FSTL5: variants seen among roughly 807,000 people sequenced by gnomAD.
FSTL5 encodes follistatin like 5, also known as follistatin-related protein 5.
In FSTL5, 62 loss-of-function variants were observed where a neutral mutation model predicts 89.1. The observed-to-expected ratio is 0.70, with a 90% CI of 0.57 to 0.86. The LOEUF (loss-of-function observed/expected upper bound fraction) is 0.86. FSTL5 is among the 40% of genes least tolerant of loss of function. The pLI is 0.00. For missense variants in FSTL5, 1,057 were observed against 1,001.6 expected (o/e 1.06, Z -0.75); for synonymous variants, 383 against 346.2 (o/e 1.11, Z -1.18).
intron 6 of FSTL5, among the ~76,000 whole-genome samples, chr4:161,712,135 T>C (rs1420620937): frequency 1.3e-5 from 2 of 152,164 alleles, no homozygotes; most frequent in Non-Finnish European, 2.9e-5. Flanking sequence ...GGGGAGTGAC[T>C]GTCAATGCAT....
rs1741338706 is a variant in FSTL5 at position 161,774,684 on chromosome 4, A to AAACTCTC, written c.606+1187_606+1193dup. On this transcript the variant is annotated intron_variant, in intron 5 of 15. Transcript: ENST00000306100. ...ATTAAAAGCATAAAAAGTGAAAAAA[A>AAACTCTC]AACTCTCAAAATAACAATATATATG... Among the ~76,000 whole-genome samples, 3 of 152,312 alleles carry AAACTCTC rather than the reference A, an allele frequency of 2.0e-5. No homozygotes were observed. In the East Asian group the frequency reaches 5.8e-4, roughly 29 times the overall value.
At chr4:161,986,315 C>T (rs1027124860) in intron 3 of FSTL5, among the ~76,000 whole-genome samples, 4 of 152,064 alleles carry the variant, frequency 2.6e-5, no homozygotes, top group Non-Finnish European at 2.9e-5. Context: ...TTTGGGAGGC[C>T]GAGGCAGGTG....
intron 4 of FSTL5, among the ~76,000 whole-genome samples, chr4:161,787,467 A>T (rs1270247528): frequency 2.0e-5 from 3 of 152,122 alleles, no homozygotes; most frequent in Admixed American, 6.5e-5. Flanking sequence ...TATTCCACAG[A>T]CTACTTAAAA....
At position 162,099,372 on chromosome 4, in the gene FSTL5, G is replaced by A. The variant is rs181315638; in HGVS notation, c.126+11899C>T. ...CATTAATTTAAATGAATTATTCATA[G>A]TTTGTATTGTTAAAAAAGAATACAA... On this transcript the variant is annotated intron_variant, in intron 2 of 15. Coordinates refer to ENST00000306100, the MANE Select transcript of FSTL5 (RefSeq NM_020116.5). Among the ~76,000 whole-genome samples, 7 of 152,202 alleles carry A rather than the reference G, an allele frequency of 4.6e-5. No individual in the cohort carries two copies. In the East Asian group the frequency reaches 1.4e-3, roughly 29 times the overall value.
chr4:161,544,284 G>T (rs1159127079), intron 8 of FSTL5, among the ~76,000 whole-genome samples: 1 of 151,958 alleles, frequency 6.6e-6, no homozygotes, highest in East Asian at 1.9e-4. Context: ...TGGAACTCTT[G>T]CACATTGCTG....
intron 3 of FSTL5, among the ~76,000 whole-genome samples, chr4:161,924,796 C>A (rs1283392462): frequency 6.6e-6 from 1 of 151,670 alleles, no homozygotes; most frequent in African/African-American, 2.4e-5. Context: ...GAGGGAAGAA[C>A]CAGATTTTGA....
chr4:161,400,499 G>A (rs940225119), intron 15 of FSTL5, among the ~76,000 whole-genome samples: 31 of 151,932 alleles, frequency 2.0e-4, no homozygotes, highest in Non-Finnish European at 7.4e-5. Context: ...AGGAAGTACG[G>A]AGCAAGATAG....
intron 15 of FSTL5, among the ~76,000 whole-genome samples, chr4:161,410,860 G>A (rs898742150): frequency 6.7e-6 from 1 of 149,024 alleles, no homozygotes; most frequent in Admixed American, 6.7e-5. Context: ...GCTAGCAGAA[G>A]AAAGGAAATA....
At chr4:161,849,528 TACACACACACACAC>T (rs35353090) in intron 4 of FSTL5, among the ~76,000 whole-genome samples, 4 of 147,318 alleles carry the variant, frequency 2.7e-5, no homozygotes, top group Non-Finnish European at 6.0e-5. Flanking sequence ...GCCCTCGACC[TACACACACACACAC>T]ACACACACAC....
intron 8 of FSTL5, among the ~76,000 whole-genome samples, chr4:161,574,327 C>CTTTTTCTTTTT (rs563978527): frequency 1.3e-5 from 2 of 149,980 alleles, no homozygotes; most frequent in South Asian, 2.1e-4. Context: ...CATGACTTTC[C>CTTTTTCTTTTT]TTTTTCTTTT....
intron 2 of FSTL5, among the ~76,000 whole-genome samples, chr4:162,075,513 T>C (rs2111320303): frequency 6.6e-6 from 1 of 151,928 alleles, no homozygotes; most frequent in Non-Finnish European, 1.5e-5. Context: ...TGGTCATCAA[T>C]GTTCATGAGT....
At chr4:161,943,530 C>A in intron 3 of FSTL5, among the ~76,000 whole-genome samples, 1 of 120,322 alleles carries the variant, frequency 8.3e-6, no homozygotes, top group South Asian at 2.8e-4. Flanking sequence ...ACATCAGAAC[C>A]ACTGTATCTT....
At chr4:161,672,477 T>C (rs1283181469) in intron 6 of FSTL5, among the ~76,000 whole-genome samples, 2 of 152,128 alleles carry the variant, frequency 1.3e-5, no homozygotes, top group African/African-American at 4.8e-5. Context: ...TTTTGTTTTT[T>C]TGTAGGAAGA....
At chr4:162,120,346 GGTAAATATTT>G (rs1731802888) in intron 1 of FSTL5, among the ~76,000 whole-genome samples, 2 of 152,048 alleles carry the variant, frequency 1.3e-5, no homozygotes, top group South Asian at 4.1e-4. Context: ...CATGTTATGT[GGTAAATATTT>G]GTTGTCCAAA....
At chr4:161,800,694 T>A (rs995337647) in intron 4 of FSTL5, among the ~76,000 whole-genome samples, 1 of 151,606 alleles carries the variant, frequency 6.6e-6, no homozygotes, top group Non-Finnish European at 1.5e-5. Flanking sequence ...AAATTTCATT[T>A]CTATTAAGGT....
intron 6 of FSTL5, among the ~76,000 whole-genome samples, chr4:161,754,465 C>T (rs898273365): frequency 6.6e-5 from 10 of 152,096 alleles, no homozygotes; most frequent in South Asian, 2.1e-4. Flanking sequence ...TTTACCAGAA[C>T]GTCTCATACA....
chr4:161,587,038 C>T (rs963018957), intron 8 of FSTL5, among the ~76,000 whole-genome samples: 1 of 152,110 alleles, frequency 6.6e-6, no homozygotes, highest in African/African-American at 2.4e-5. Flanking sequence ...CATAGGTAGA[C>T]ATTAAATTAA....
intron 4 of FSTL5, among the ~76,000 whole-genome samples, chr4:161,840,800 C>A (rs1403632936): frequency 1.3e-5 from 2 of 152,092 alleles, no homozygotes; most frequent in African/African-American, 2.4e-5. Flanking sequence ...TTTATTAACT[C>A]GTATGAATGA....
intron 2 of FSTL5, among the ~76,000 whole-genome samples, chr4:162,100,242 A>G (rs144508998): frequency 1.1e-3 from 169 of 152,292 alleles, no homozygotes; most frequent in African/African-American, 3.9e-3. Context: ...AGCACTAAAA[A>G]TCAATGAGCT....
Sources: allele counts gnomAD v4.1 joint callset (sites outside exome capture counted in the v4.1 genomes callset), GRCh38; gene constraint gnomAD v4.1.1; transcripts MANE v1.5; gene names NCBI Gene and HGNC (gene_info 2026-07-23, HGNC 2026-07-21).